Variants in HNMT observed in about 807,000 individuals in gnomAD.
HNMT encodes histamine N-methyltransferase.
A neutral mutation model predicts 32.1 loss-of-function variants in HNMT; 30 were observed. The ratio of observed to expected loss-of-function variants is 0.93; its 90% CI spans 0.70 to 1.27. HNMT has a LOEUF of 1.27. Ranked by LOEUF, HNMT falls within the 50% of genes most tolerant of loss-of-function variation. The pLI, the probability that HNMT is intolerant of heterozygous loss-of-function variation, is 0.00. For synonymous variants in HNMT, 125 were observed against 119.0 expected (o/e 1.05, Z -0.33); for missense variants, 327 against 346.0 (o/e 0.95, Z 0.43).
chr2:138,014,360 A>G lies in HNMT; in HGVS notation c.*230A>G. ...TAGAGAGACCACAAGCAGGCTCAAC[A>G]TAACATAAGCTAGAAAAATTAGATG... is the stretch of plus-strand genomic sequence containing the variant. On this transcript the variant is annotated 3_prime_UTR_variant, in exon 6 of 6. Coordinates refer to ENST00000280097, the MANE Select transcript of HNMT (RefSeq NM_006895.3). The G allele has an allele frequency of 4.9e-6, 2 of 408,724 alleles. No homozygotes were observed. Among genetic ancestry groups the G allele is most frequent in the Non-Finnish European group, 4.4e-6 (1 of 229,750 alleles). 25.3% of individuals were successfully genotyped at this position (408,724 alleles called of 1,614,324 possible).
intron 5 of HNMT, among the ~76,000 whole-genome samples, chr2:138,005,954 G>A (rs1217805484): frequency 6.6e-6 from 1 of 151,882 alleles, no homozygotes; most frequent in Admixed American, 6.6e-5. Flanking sequence ...GTCTTCCTAA[G>A]GTTACACCAG....
At chr2:137,970,302 CTT>C (rs370017729) in intron 2 of HNMT, 85 bp downstream of exon 2, 714 of 605,202 alleles carry the variant, frequency 1.2e-3, no homozygotes, top group South Asian at 2.1e-3. Context: ...TTTAGGAAGA[CTT>C]TTTTTTTTTG....
chr2:137,994,118 T>C (rs1344374232), intron 2 of HNMT, among the ~76,000 whole-genome samples: 1 of 152,036 alleles, frequency 6.6e-6, no homozygotes, highest in Admixed American at 6.6e-5. Context: ...ACAACTAGTG[T>C]ACAAAATAAA....
intron 2 of HNMT, among the ~76,000 whole-genome samples, chr2:137,989,359 T>G (rs945775036): frequency 3.9e-5 from 6 of 152,230 alleles, no homozygotes; most frequent in Non-Finnish European, 8.8e-5. Context: ...TCCGTTCAGA[T>G]AGTAATATGC....
At chr2:137,986,566 C>T (rs894988824) in intron 2 of HNMT, among the ~76,000 whole-genome samples, 1 of 152,120 alleles carries the variant, frequency 6.6e-6, no homozygotes, top group Admixed American at 6.6e-5. Flanking sequence ...TTAATCTCAT[C>T]CAAAAATGCC....
At chr2:137,969,920 T>G (rs1680071570) in intron 1 of HNMT, among the ~76,000 whole-genome samples, 1 of 152,226 alleles carries the variant, frequency 6.6e-6, no homozygotes, top group Non-Finnish European at 1.5e-5. Context: ...AATGGCATTT[T>G]GTACCTCTGA....
intron 2 of HNMT, among the ~76,000 whole-genome samples, chr2:137,995,972 T>G (rs1680980374): frequency 6.6e-6 from 1 of 152,200 alleles, no homozygotes; most frequent in Admixed American, 6.5e-5. Flanking sequence ...TAAACTACTC[T>G]TCTTGTTAAA....
intron 2 of HNMT, among the ~76,000 whole-genome samples, chr2:137,996,880 C>A (rs1681013371): frequency 6.6e-6 from 1 of 152,116 alleles, no homozygotes; most frequent in Non-Finnish European, 1.5e-5. Context: ...CACCTACAAC[C>A]ATCTGATCTT....
chr2:138,000,964 A>C lies in HNMT; in HGVS notation c.237A>C (p.Pro79=). The C allele has an allele frequency of 6.2e-7, 1 of 1,609,538 alleles. No individual in the cohort carries two copies. Among genetic ancestry groups the C allele is most frequent in the Non-Finnish European group, 8.5e-7 (1 of 1,177,956 alleles). The change falls in exon 3 of 6, where the codon CCA becomes CCC. Residue 79 remains proline (P), a synonymous_variant. Coordinates refer to ENST00000280097, the MANE Select transcript of HNMT (RefSeq NM_006895.3). ...TCTCCAAAGTTCAGGCTCAATACCC[A>C]GGAGTTTGTATCAACAATGAAGTTG... The part of the protein sequence containing the change: ...QILSKVQAQY[P]GVCINNEVVE...
intron 2 of HNMT, among the ~76,000 whole-genome samples, chr2:137,980,581 T>C (rs904757524): frequency 4.6e-5 from 7 of 152,170 alleles, no homozygotes; most frequent in Non-Finnish European, 1.0e-4. Flanking sequence ...TCAGCACCCT[T>C]TGAAGCATTT....
At chr2:137,976,208 G>A (rs1269841482) in intron 2 of HNMT, among the ~76,000 whole-genome samples, 3 of 150,124 alleles carry the variant, frequency 2.0e-5, no homozygotes, top group African/African-American at 7.4e-5. Flanking sequence ...GGAGGTTGCA[G>A]TGAGCCGAGA....
At chr2:137,967,173 G>A in intron 1 of HNMT, 1 of 763,800 alleles carries the variant, frequency 1.3e-6, no homozygotes, top group Non-Finnish European at 2.4e-6. Context: ...CACTTCGGGA[G>A]GCTGAGGCGG....
At chr2:137,994,904 TC>T (rs777056985) in intron 2 of HNMT, among the ~76,000 whole-genome samples, 7 of 152,156 alleles carry the variant, frequency 4.6e-5, no homozygotes, top group Non-Finnish European at 7.3e-5. Context: ...AACAACCTGC[TC>T]CTGAATGACT....
intron 5 of HNMT, among the ~76,000 whole-genome samples, chr2:138,006,253 G>T (rs1681328569): frequency 6.6e-6 from 1 of 151,952 alleles, no homozygotes; most frequent in Non-Finnish European, 1.5e-5. Flanking sequence ...CTCTGAGCTA[G>T]TAAAGCACTA....
intron 4 of HNMT, among the ~76,000 whole-genome samples, chr2:138,004,247 T>A (rs536618975): frequency 6.6e-6 from 1 of 152,194 alleles, no homozygotes; most frequent in African/African-American, 2.4e-5. Flanking sequence ...GTGGAAAATG[T>A]GGAGTGTGGC....
intron 2 of HNMT, among the ~76,000 whole-genome samples, chr2:137,996,617 A>G (rs1681003335): frequency 1.3e-5 from 2 of 152,236 alleles, no homozygotes; most frequent in South Asian, 2.1e-4. Context: ...TATAGATTCA[A>G]TGCTATTCCC....
chr2:137,980,152 C>T (rs545407486), intron 2 of HNMT, among the ~76,000 whole-genome samples: 29 of 152,120 alleles, frequency 1.9e-4, no homozygotes, highest in Admixed American at 1.2e-3. Context: ...TCTCCTGCCT[C>T]GCCCTCCCCA....
chr2:138,000,173 T>C (rs1400099553), intron 2 of HNMT, among the ~76,000 whole-genome samples: 2 of 152,152 alleles, frequency 1.3e-5, no homozygotes, highest in Non-Finnish European at 2.9e-5. Flanking sequence ...GCATCTGTCA[T>C]CTTGTCCCCT....
intron 2 of HNMT, among the ~76,000 whole-genome samples, chr2:137,996,257 T>C (rs1680990445): frequency 6.6e-6 from 1 of 152,222 alleles, no homozygotes; most frequent in Non-Finnish European, 1.5e-5. Context: ...AACATGATTG[T>C]ATATTTAGAA....
Sources: gnomAD v4.1 joint callset for allele counts (sites outside exome capture counted in the v4.1 genomes callset) on GRCh38, gnomAD v4.1.1 for gene constraint, MANE v1.5 for transcripts, NCBI Gene and HGNC (gene_info 2026-07-23, HGNC 2026-07-21) for gene names.